Variants in UQCC1 observed in about 807,000 individuals in gnomAD.
UQCC1 encodes bFGF-repressed Zic-binding protein.
UQCC1 carries 38 observed loss-of-function variants against 48.0 expected under a neutral mutation model. That is an observed-to-expected ratio of 0.79 (90% CI 0.61 to 1.04). The LOEUF (loss-of-function observed/expected upper bound fraction) is 1.04, where lower values mean the gene tolerates loss of function less well. UQCC1 is among the 50% of genes least tolerant of loss of function. The pLI is 0.00. For synonymous variants in UQCC1, 111 were observed against 129.2 expected (o/e 0.86, Z 0.95); for missense variants, 368 against 381.8 (o/e 0.96, Z 0.30).
At chr20:35,366,417 G>C (rs1370922224) in intron 6 of UQCC1, 140 bp downstream of exon 6, 6 of 673,522 alleles carry the variant, frequency 8.9e-6, no homozygotes, top group Admixed American at 5.8e-5. Context: ...CAAGACACCA[G>C]TTATTAAAAT....
At position 35,327,660 on chromosome 20, in the gene UQCC1, G is replaced by A. The variant is rs117591514; in HGVS notation, c.574-12895C>T. Among the ~76,000 whole-genome samples, 671 of 152,284 alleles carry A rather than the reference G, an allele frequency of 4.4e-3. 8 individuals are homozygous for A. The highest frequency in any genetic ancestry group is 0.031 in the Admixed American group (475 of 15,290). On this transcript the variant is annotated intron_variant, in intron 7 of 9. Coordinates refer to ENST00000374385, the MANE Select transcript of UQCC1 (RefSeq NM_018244.5). ...TGATCATTCTTACTTAAGTAGTGAG[G>A]TGGTCAAGGTTGAGGCCAAGAGTGA...
intron 7 of UQCC1, 67 bp downstream of exon 7, chr20:35,347,097 A>G (rs1480714286): frequency 6.2e-7 from 1 of 1,614,186 alleles, no homozygotes; most frequent in Admixed American, 1.7e-5. Flanking sequence ...TTTACAACAG[A>G]TAAAACTCCA....
At chr20:35,306,823 A>T in intron 8 of UQCC1, 44 bp from the exon 9 acceptor site, 1 of 1,468,956 alleles carries the variant, frequency 6.8e-7, no homozygotes, top group Non-Finnish European at 9.5e-7. Flanking sequence ...GGATCCACAG[A>T]GCCAGGACAC....
intron 7 of UQCC1, among the ~76,000 whole-genome samples, chr20:35,334,485 T>C (rs1216321977): frequency 6.6e-6 from 1 of 152,198 alleles, no homozygotes; most frequent in East Asian, 1.9e-4. Context: ...TGGCATTCTC[T>C]TCTTGTCTAG....
chr20:35,398,467 T>C (rs2146526009), intron 1 of UQCC1, among the ~76,000 whole-genome samples: 1 of 152,270 alleles, frequency 6.6e-6, no homozygotes, highest in African/African-American at 2.4e-5. Flanking sequence ...GAGAAAGGCA[T>C]TAAATTTTTA....
Position 35,394,191 on chromosome 20 carries a change from G to A in UQCC1, c.30C>T (p.Asn10=). 6.2e-7 allele frequency: 1 copy of A among 1,613,672 alleles called. No individual in the cohort carries two copies. The highest frequency in any genetic ancestry group is 1.3e-5 in the African/African-American group (1 of 74,992). Residue 10 remains asparagine (N), a synonymous_variant, in exon 2 of 10, where the codon AAC becomes AAT. Transcript: ENST00000374385. The part of the protein sequence containing the change: MALLVRVLR[N]QTSISQWVPV... ...GAACCCACTGAGAAATGCTAGTCTG[G>A]TTCCTCTAAAGAAAGAAAATAATAA...
At chr20:35,379,446 C>T (rs1241258100) in intron 4 of UQCC1, among the ~76,000 whole-genome samples, 8 of 152,210 alleles carry the variant, frequency 5.3e-5, no homozygotes, top group Non-Finnish European at 1.2e-4. Context: ...GTTACACATA[C>T]ATTTTCACAT....
chr20:35,322,224 C>T (rs772279445), intron 7 of UQCC1, among the ~76,000 whole-genome samples: 3 of 152,134 alleles, frequency 2.0e-5, no homozygotes, highest in African/African-American at 2.4e-5. Flanking sequence ...ACTGATGGTG[C>T]GGAGTCCTAA....
intron 5 of UQCC1, among the ~76,000 whole-genome samples, chr20:35,367,101 A>AC (rs2061677108): frequency 6.6e-6 from 1 of 150,662 alleles, no homozygotes. Flanking sequence ...CTAAAAAAAA[A>AC]AAAAAAAACA....
intron 6 of UQCC1, among the ~76,000 whole-genome samples, chr20:35,365,518 G>A (rs1208067513): frequency 3.9e-5 from 6 of 152,078 alleles, no homozygotes; most frequent in Non-Finnish European, 4.4e-5. Context: ...TCATATGGGC[G>A]TGGTGGTGGG....
chr20:35,347,899 G>T (rs1421562827), intron 6 of UQCC1, among the ~76,000 whole-genome samples: 3 of 152,104 alleles, frequency 2.0e-5, no homozygotes, highest in African/African-American at 7.2e-5. Context: ...ATTAAAATTT[G>T]TTTCTTTTTA....
chr20:35,378,216 G>A (rs2061825150), intron 4 of UQCC1, among the ~76,000 whole-genome samples: 1 of 152,188 alleles, frequency 6.6e-6, no homozygotes. Flanking sequence ...ACCTTGAACA[G>A]CTTTAGGAAA....
intron 3 of UQCC1, among the ~76,000 whole-genome samples, chr20:35,382,326 G>T (rs1053672442): frequency 1.1e-4 from 17 of 151,582 alleles, no homozygotes; most frequent in Admixed American, 5.9e-4. Context: ...TCTCTGGAGA[G>T]GGGGGGTCCA....
chr20:35,356,967 A>C (rs945548750), intron 6 of UQCC1, among the ~76,000 whole-genome samples: 1 of 152,268 alleles, frequency 6.6e-6, no homozygotes, highest in African/African-American at 2.4e-5. Context: ...ACACGAAAAA[A>C]ATAACAGAGC....
chr20:35,351,645 G>A (rs1190175549), intron 6 of UQCC1, among the ~76,000 whole-genome samples: 1 of 152,144 alleles, frequency 6.6e-6, no homozygotes, highest in Non-Finnish European at 1.5e-5. Context: ...GTGAGGTAAT[G>A]GAATTCTTCA....
chr20:35,396,284 CTTT>C (rs34830667), intron 1 of UQCC1, among the ~76,000 whole-genome samples: 3 of 94,368 alleles, frequency 3.2e-5, no homozygotes, highest in Admixed American at 1.4e-4. Flanking sequence ...TGTGCCTGGC[CTTT>C]TTTTTTTTTT....
chr20:35,359,897 C>T (rs904718939), intron 6 of UQCC1, among the ~76,000 whole-genome samples: 8 of 152,116 alleles, frequency 5.3e-5, no homozygotes, highest in Admixed American at 1.3e-4. Flanking sequence ...ACCTGGTTTC[C>T]CAAACTCCCT....
intron 1 of UQCC1, chr20:35,409,248 C>T (rs1227878045): frequency 2.0e-5 from 3 of 152,830 alleles, no homozygotes; most frequent in African/African-American, 4.8e-5. Flanking sequence ...GCGGGCAGAT[C>T]ACCTGAGGTC....
At chr20:35,361,223 G>C (rs2061601831) in intron 6 of UQCC1, among the ~76,000 whole-genome samples, 1 of 123,406 alleles carries the variant, frequency 8.1e-6, no homozygotes, top group Admixed American at 7.5e-5. Flanking sequence ...GGACTCTGCT[G>C]ATAAAAAGTT....
Sources: allele counts gnomAD v4.1 joint callset (sites outside exome capture counted in the v4.1 genomes callset), GRCh38; gene constraint gnomAD v4.1.1; transcripts MANE v1.5; gene names NCBI Gene and HGNC (gene_info 2026-07-23, HGNC 2026-07-21).